TMEM154: variants seen among roughly 807,000 people sequenced by gnomAD.
TMEM154 encodes transmembrane protein 154.
Under a neutral mutation model 24.5 loss-of-function variants are expected in TMEM154, and 27 were observed. The observed-to-expected ratio is 1.10, with a 90% CI of 0.81 to 1.52. The LOEUF is 1.52. Among genes scored for constraint, TMEM154 ranks in the 40% most tolerant of loss-of-function variants. The pLI is 0.00. For synonymous variants in TMEM154, 67 were observed against 76.8 expected, an observed-to-expected ratio of 0.87 and a Z score of 0.67; for missense variants, 228 against 213.4, an observed-to-expected ratio of 1.07 and a Z score of -0.43.
chr4:152,674,709 C>T (rs962493667), intron 1 of TMEM154, among the ~76,000 whole-genome samples: 26 of 152,174 alleles, frequency 1.7e-4, no homozygotes, highest in Admixed American at 1.7e-3. Context: ...TTTGTGATAA[C>T]AAGGCTGGGG....
At chr4:152,644,387 T>C (rs745782855) in intron 4 of TMEM154, 28 bp downstream of exon 4, 9 of 1,613,670 alleles carry the variant, frequency 5.6e-6, no homozygotes. Flanking sequence ...ACACCCCAGG[T>C]GGATCAGAAG....
intron 3 of TMEM154, among the ~76,000 whole-genome samples, chr4:152,648,489 T>C (rs746685120): frequency 6.6e-6 from 1 of 152,188 alleles, no homozygotes; most frequent in Non-Finnish European, 1.5e-5. Context: ...AGCAAGGCCC[T>C]GTCTCTTAAA....
intron 1 of TMEM154, among the ~76,000 whole-genome samples, chr4:152,677,609 A>T (rs1020696185): frequency 1.3e-5 from 2 of 152,238 alleles, no homozygotes; most frequent in Admixed American, 1.3e-4. Context: ...TTTATTCAAC[A>T]GCTTTTTGCA....
intron 1 of TMEM154, among the ~76,000 whole-genome samples, chr4:152,676,022 C>T (rs1382646206): frequency 6.6e-6 from 1 of 152,126 alleles, no homozygotes; most frequent in Non-Finnish European, 1.5e-5. Context: ...ACAGTGACTG[C>T]CTGACATAAG....
intron 3 of TMEM154, among the ~76,000 whole-genome samples, chr4:152,651,104 C>T (rs542659419): frequency 2.0e-5 from 3 of 152,066 alleles, no homozygotes; most frequent in African/African-American, 7.2e-5. Context: ...TAGCTTCTAA[C>T]AGGAGAGTCA....
chr4:152,665,565 T>G (rs1451028760), intron 1 of TMEM154, among the ~76,000 whole-genome samples: 1 of 152,196 alleles, frequency 6.6e-6, no homozygotes, highest in Non-Finnish European at 1.5e-5. Context: ...TGAATAAGCC[T>G]GAATTAGAGA....
At chr4:152,655,770 T>C (rs1345047682) in intron 1 of TMEM154, among the ~76,000 whole-genome samples, 1 of 152,202 alleles carries the variant, frequency 6.6e-6, no homozygotes, top group East Asian at 1.9e-4. Context: ...TGGCTGCCTA[T>C]GGTTGCTCCC....
intron 4 of TMEM154, 93 bp downstream of exon 4, chr4:152,644,322 A>G: frequency 7.1e-7 from 1 of 1,406,322 alleles, no homozygotes; most frequent in Non-Finnish European, 1.0e-6. Context: ...GTCCCGCAAG[A>G]TGTCAGAACA....
intron 1 of TMEM154, among the ~76,000 whole-genome samples, chr4:152,661,059 A>G (rs922302406): frequency 1.2e-4 from 18 of 152,240 alleles, no homozygotes; most frequent in African/African-American, 4.3e-4. Context: ...AACGGAAAGA[A>G]GCATACCAGA....
intron 6 of TMEM154, among the ~76,000 whole-genome samples, chr4:152,636,304 T>C (rs1033674878): frequency 1.3e-5 from 2 of 152,224 alleles, no homozygotes; most frequent in East Asian, 1.9e-4. Context: ...GGCAGACCCC[T>C]CCTAGCACCC....
Position 152,679,997 on chromosome 4 carries a change from T to A in TMEM154, c.-64A>T. 2 of 1,473,874 alleles carry A rather than the reference T, an allele frequency of 1.4e-6. No individual in the cohort carries two copies. The highest frequency in any genetic ancestry group is 1.9e-6 in the Non-Finnish European group (2 of 1,070,738). 91.3% of individuals were successfully genotyped at this position (1,473,874 alleles called of 1,614,324 possible). A position where few individuals can be genotyped will look rare whatever the true frequency, so the allele number is the denominator to read the frequency against. On this transcript the variant is annotated 5_prime_UTR_variant, in exon 1 of 7. Transcript: ENST00000304385. ...GCCGGGCTGCAGCCTCTCTGAAACG[T>A]GAACATTTCCTGTTTCCTGCTTGTT...
In TMEM154 at chr4:152,628,172, G is replaced by A; in HGVS notation, c.*374C>T. The A allele has an allele frequency of 4.0e-6, 1 of 247,602 alleles. No individual in the cohort carries two copies. The highest frequency in any genetic ancestry group is 7.8e-6 in the Non-Finnish European group (1 of 128,832). The allele number at this position is 247,602 out of a possible 1,614,324, so 15.3% of individuals were successfully genotyped here. A position where few individuals can be genotyped will look rare whatever the true frequency, so the allele number is the denominator to read the frequency against. On this transcript the variant is annotated 3_prime_UTR_variant, in exon 7 of 7. Transcript: ENST00000304385. ...ATCGATAAAACAGCTTCCTGATTTA[G>A]GCCCTAAGGAATGAAGCAGAAAGGT...
At chr4:152,631,350 C>T (rs1752039214) in intron 6 of TMEM154, among the ~76,000 whole-genome samples, 1 of 152,098 alleles carries the variant, frequency 6.6e-6, no homozygotes, top group Non-Finnish European at 1.5e-5. Context: ...AAGAATAAAC[C>T]TTTTACAAAG....
intron 3 of TMEM154, among the ~76,000 whole-genome samples, chr4:152,644,951 G>C (rs778804294): frequency 3.2e-4 from 48 of 152,178 alleles, no homozygotes; most frequent in Middle Eastern, 3.2e-3. Context: ...GGCATGGCTG[G>C]ATCCCTCACA....
intron 6 of TMEM154, among the ~76,000 whole-genome samples, chr4:152,640,453 G>C (rs917924461): frequency 1.3e-5 from 2 of 152,044 alleles, no homozygotes; most frequent in African/African-American, 4.8e-5. Flanking sequence ...AAACCCCAAA[G>C]CACTAAAATT....
intron 3 of TMEM154, among the ~76,000 whole-genome samples, chr4:152,649,820 G>A (rs554750205): frequency 6.6e-6 from 1 of 152,306 alleles, no homozygotes; most frequent in African/African-American, 2.4e-5. Flanking sequence ...GAAATATGCA[G>A]GTTCAGGTCC....
At chr4:152,669,065 C>T (rs1728778298) in intron 1 of TMEM154, 1 of 152,182 alleles carries the variant, frequency 6.6e-6, no homozygotes, top group South Asian at 2.1e-4. Flanking sequence ...CTTTGTCAAC[C>T]TCTCTTGTGC....
intron 1 of TMEM154, among the ~76,000 whole-genome samples, chr4:152,659,380 A>C (rs1728551542): frequency 6.6e-6 from 1 of 152,198 alleles, no homozygotes; most frequent in Non-Finnish European, 1.5e-5. Flanking sequence ...GGGTAAGAGT[A>C]GGGGAAGAAG....
At chr4:152,643,618 T>C (rs1467626729) in intron 4 of TMEM154, among the ~76,000 whole-genome samples, 1 of 152,252 alleles carries the variant, frequency 6.6e-6, no homozygotes, top group Non-Finnish European at 1.5e-5. Flanking sequence ...AGTTATCACC[T>C]GTCCCTTCAA....
Sources: gnomAD v4.1 joint callset for allele counts (sites outside exome capture counted in the v4.1 genomes callset) on GRCh38, gnomAD v4.1.1 for gene constraint, MANE v1.5 for transcripts, NCBI Gene and HGNC (gene_info 2026-07-23, HGNC 2026-07-21) for gene names.